The following OSBPL8 variants were observed in gnomAD, a reference collection of about 807,000 sequenced individuals.
OSBPL8 encodes oxysterol binding protein like 8.
A neutral mutation model predicts 125.5 loss-of-function variants in OSBPL8; 59 were observed. The ratio of observed to expected loss-of-function variants is 0.47; its 90% confidence interval spans 0.38 to 0.58. OSBPL8 has a LOEUF of 0.58. Among genes scored for constraint, OSBPL8 ranks in the 20% least tolerant of loss-of-function variants. The pLI is 0.00. For synonymous variants in OSBPL8, 330 were observed against 338.9 expected, an observed-to-expected ratio of 0.97 and a Z score of 0.29; for missense variants, 758 against 1,047.8, an observed-to-expected ratio of 0.72 and a Z score of 3.82.
intron 1 of OSBPL8, among the ~76,000 whole-genome samples, chr12:76,526,120 TA>T (rs1270103611): frequency 1.3e-5 from 2 of 152,226 alleles, no homozygotes; most frequent in Non-Finnish European, 1.5e-5. Flanking sequence ...ACTGTTCTTA[TA>T]CACACTATTT....
intron 5 of OSBPL8, among the ~76,000 whole-genome samples, chr12:76,407,638 C>A (rs1387611751): frequency 6.6e-6 from 1 of 152,180 alleles, no homozygotes; most frequent in African/African-American, 2.4e-5. Context: ...ATGAGAAAAT[C>A]AGTAAGTTTC....
chr12:76,389,502 TC>T, intron 12 of OSBPL8, 142 bp downstream of exon 12: 1 of 610,818 alleles, frequency 1.6e-6, no homozygotes, highest in Non-Finnish European at 2.7e-6. Context: ...TTACTAAGGG[TC>T]AACCACAGAA....
At chr12:76,551,197 C>T (rs887667917) in intron 1 of OSBPL8, among the ~76,000 whole-genome samples, 1 of 152,284 alleles carries the variant, frequency 6.6e-6, no homozygotes, top group South Asian at 2.1e-4. Flanking sequence ...ATGAACCTTA[C>T]CCAACCCCTA....
chr12:76,490,035 T>C (rs144384535), intron 1 of OSBPL8, among the ~76,000 whole-genome samples: 4 of 152,286 alleles, frequency 2.6e-5, no homozygotes, highest in East Asian at 1.9e-4. Flanking sequence ...GTGGCGAAAA[T>C]AGCAAGACAA....
rs149136006 is a variant in OSBPL8, at chr12:76,446,803, A to G, written c.217+4048T>C. On this transcript the variant is annotated intron_variant, in intron 4 of 23. Coordinates refer to ENST00000261183, the MANE Select transcript of OSBPL8 (RefSeq NM_020841.5). Reference sequence around the variant, plus strand: ...AAAATCCTATGTGCTAAATACTATTATCTTCACTTTACCAATGACTGAAAC... The same window carrying G: ...AAAATCCTATGTGCTAAATACTATTGTCTTCACTTTACCAATGACTGAAAC... 6.4e-3 allele frequency among the ~76,000 whole-genome samples: 968 copies of G among 152,296 alleles called. 12 individuals are homozygous for G. Among genetic ancestry groups the G allele is most frequent in the African/African-American group, 0.022 (935 of 41,558 alleles).
chr12:76,382,221 T>G (rs971999293), intron 15 of OSBPL8, among the ~76,000 whole-genome samples: 1 of 152,234 alleles, frequency 6.6e-6, no homozygotes, highest in African/African-American at 2.4e-5. Flanking sequence ...CCCCTCTGAT[T>G]TTTGTTCCTT....
chr12:76,472,010 TG>T (rs1416573110), intron 2 of OSBPL8, among the ~76,000 whole-genome samples: 2 of 152,210 alleles, frequency 1.3e-5, no homozygotes, highest in Non-Finnish European at 1.5e-5. Flanking sequence ...GCATCGTATA[TG>T]GTCATCTATA....
chr12:76,552,597 T>G (rs1950977496), intron 1 of OSBPL8, among the ~76,000 whole-genome samples: 1 of 152,104 alleles, frequency 6.6e-6, no homozygotes, highest in African/African-American at 2.4e-5. Flanking sequence ...TACTAACTTC[T>G]ATTTCCTTCA....
intron 21 of OSBPL8, among the ~76,000 whole-genome samples, chr12:76,363,797 T>TA (rs1952299582): frequency 6.6e-6 from 1 of 151,964 alleles, no homozygotes; most frequent in African/African-American, 2.4e-5. Context: ...ACAAGGAACT[T>TA]AAACAAATTT....
chr12:76,356,021 T>C lies in OSBPL8; in HGVS notation c.2538A>G (p.Arg846=). Residue 846 remains arginine, a splice_region_variant and synonymous_variant, in exon 24 of 24, where the codon AGA becomes AGG. Coordinates refer to ENST00000261183, the MANE Select transcript of OSBPL8 (RefSeq NM_020841.5). ...SIKQTQEEIK[R]NIMALRNHLV... The stretch of plus-strand genomic sequence containing the variant: ...AATGATTTCGAAGAGCCATAATATT[T>C]CTATAAAAATAAGCAACAACAAATT... 1 of 1,603,240 alleles carries C rather than the reference T, an allele frequency of 6.2e-7. No individual in the cohort carries two copies. Among genetic ancestry groups the C allele is most frequent in the Non-Finnish European group, 8.5e-7 (1 of 1,176,968 alleles).
At position 76,402,689 on chromosome 12, in the gene OSBPL8, C is replaced by T. The variant is rs1954099656; in HGVS notation, c.366G>A (p.Lys122=). ...CTTTCAGAAACAACTGGAAACTAAC[C>T]TTAAGAGATTCTTTTTTTGTGAGTT... ...SSKLTKKESL[K]VQKKNYREEK... The change falls in exon 6 of 24, where the codon AAG becomes AAA. Residue 122 remains lysine, a splice_region_variant and synonymous_variant. Transcript: ENST00000261183. The T allele has an allele frequency of 1.3e-6, 2 of 1,595,440 alleles. No individual in the cohort carries two copies. The highest frequency in any genetic ancestry group is 1.3e-5 in the African/African-American group (1 of 74,406).
At chr12:76,359,502 T>G (rs1952116741) in intron 21 of OSBPL8, among the ~76,000 whole-genome samples, 1 of 152,232 alleles carries the variant, frequency 6.6e-6, no homozygotes, top group Admixed American at 6.5e-5. Context: ...TTTGTAATTT[T>G]GGTGTTCAGT....
At position 76,369,798 on chromosome 12, in the gene OSBPL8, G is replaced by T; in HGVS notation, c.2079C>A (p.Ala693=). 6.2e-7 allele frequency: 1 copy of T among 1,613,102 alleles called. No individual in the cohort carries two copies. The highest frequency in any genetic ancestry group is 1.3e-5 in the African/African-American group (1 of 74,938). Residue 693 remains alanine, a synonymous_variant, in exon 20 of 24, where the codon GCC becomes GCA. Coordinates refer to ENST00000261183, the MANE Select transcript of OSBPL8 (RefSeq NM_020841.5). ...CTTCAGTTTGGTCTTTGGCATTTATGGCTCGAGTTACCCGTTGCCAGAGTC... is the reference window on the plus strand; with the variant it reads ...CTTCAGTTTGGTCTTTGGCATTTATTGCTCGAGTTACCCGTTGCCAGAGTC... ...SEKLWQRVTR[A]INAKDQTEAT... is the part of the protein sequence containing the mutation.
At chr12:76,521,659 T>C (rs1311136904) in intron 1 of OSBPL8, among the ~76,000 whole-genome samples, 1 of 152,184 alleles carries the variant, frequency 6.6e-6, no homozygotes, top group Non-Finnish European at 1.5e-5. Flanking sequence ...TGAATAGACA[T>C]TGAGGACATT....
chr12:76,467,547 C>G (rs891411986), intron 2 of OSBPL8, among the ~76,000 whole-genome samples: 1 of 152,184 alleles, frequency 6.6e-6, no homozygotes, highest in South Asian at 2.1e-4. Flanking sequence ...GCCCATCTTT[C>G]TTTCAAACAC....
At chr12:76,419,962 T>C (rs1202380919) in intron 4 of OSBPL8, among the ~76,000 whole-genome samples, 1 of 152,208 alleles carries the variant, frequency 6.6e-6, no homozygotes, top group East Asian at 1.9e-4. Flanking sequence ...GTTTACTTTT[T>C]CCTGCTAATG....
intron 1 of OSBPL8, among the ~76,000 whole-genome samples, chr12:76,533,279 A>G (rs1410601991): frequency 6.6e-6 from 1 of 152,144 alleles, no homozygotes; most frequent in Non-Finnish European, 1.5e-5. Context: ...TTTTAAGACC[A>G]GGTTTTGATA....
chr12:76,553,976 C>CAAA (rs11395533), intron 1 of OSBPL8, among the ~76,000 whole-genome samples: 2,632 of 95,174 alleles, frequency 0.028, 137 homozygotes, highest in African/African-American at 0.046. Context: ...GACTCTATCT[C>CAAA]AAAAAAAAAA....
intron 7 of OSBPL8, among the ~76,000 whole-genome samples, chr12:76,398,944 G>C (rs1393252417): frequency 1.3e-5 from 2 of 152,216 alleles, no homozygotes; most frequent in Non-Finnish European, 2.9e-5. Context: ...TCAGAAGGAA[G>C]GTAAGGCAGA....
Sources: gnomAD v4.1 joint callset for allele counts (sites outside exome capture counted in the v4.1 genomes callset) on GRCh38, gnomAD v4.1.1 for gene constraint, MANE v1.5 for transcripts, NCBI Gene and HGNC (gene_info 2026-07-23, HGNC 2026-07-21) for gene names.